The following FBXW4 variants were observed in gnomAD, a reference collection of about 807,000 sequenced individuals.
FBXW4 encodes F-box/WD repeat-containing protein 4.
A neutral mutation model predicts 61.8 loss-of-function variants in FBXW4; 40 were observed. The observed-to-expected ratio is 0.65, with a 90% CI of 0.50 to 0.84. FBXW4 has a LOEUF of 0.84. FBXW4 is among the 40% of genes least tolerant of loss of function. FBXW4 has a pLI of 0.00. For missense variants in FBXW4, 672 were observed against 753.8 expected, an observed-to-expected ratio of 0.89 and a Z score of 1.27; for synonymous variants, 311 against 313.8, an observed-to-expected ratio of 0.99 and a Z score of 0.10.
intron 5 of FBXW4, among the ~76,000 whole-genome samples, chr10:101,664,246 G>A (rs1293594952): frequency 2.0e-5 from 3 of 152,142 alleles, no homozygotes; most frequent in Non-Finnish European, 4.4e-5. Context: ...AGAAGATAAG[G>A]TAGAAAAGTC....
chr10:101,681,064 G>A lies in FBXW4; in HGVS notation c.726-4628C>T, dbSNP rs565913144. Reference sequence around the variant, plus strand: ...TTAAATTTATAAAGGTAGAGGTGGGGAGACACTACATAAAATTATGTCTCC... The same window carrying A: ...TTAAATTTATAAAGGTAGAGGTGGGAAGACACTACATAAAATTATGTCTCC... On this transcript the variant is annotated intron_variant, in intron 1 of 8. Coordinates refer to ENST00000331272, the MANE Select transcript of FBXW4 (RefSeq NM_022039.4). Among the ~76,000 whole-genome samples the A allele has an allele frequency of 8.5e-5, 13 of 152,268 alleles. No homozygotes were observed. In the East Asian group the frequency reaches 1.3e-3, roughly 16 times the overall value.
At chr10:101,688,898 G>A (rs2064559749) in intron 1 of FBXW4, among the ~76,000 whole-genome samples, 1 of 152,034 alleles carries the variant, frequency 6.6e-6, no homozygotes, top group Non-Finnish European at 1.5e-5. Context: ...GTCTCAATAA[G>A]AATCTGCCTA....
intron 1 of FBXW4, among the ~76,000 whole-genome samples, chr10:101,680,467 A>T (rs887694915): frequency 6.6e-6 from 1 of 152,232 alleles, no homozygotes; most frequent in African/African-American, 2.4e-5. Flanking sequence ...TCTCTCTAAA[A>T]CTTTTAGGGA....
At chr10:101,633,931 C>T (rs951145231) in intron 5 of FBXW4, among the ~76,000 whole-genome samples, 4 of 151,870 alleles carry the variant, frequency 2.6e-5, no homozygotes, top group African/African-American at 9.7e-5. Flanking sequence ...CATGGTGAAA[C>T]CCTGTCTCTA....
intron 5 of FBXW4, chr10:101,660,270 AAC>A: frequency 4.1e-6 from 4 of 982,446 alleles, no homozygotes; most frequent in Non-Finnish European, 4.8e-6. Context: ...CTCCGACTGC[AAC>A]ACAGATTAGG....
intron 6 of FBXW4, among the ~76,000 whole-genome samples, chr10:101,620,066 GC>G (rs2063856335): frequency 6.6e-6 from 1 of 152,130 alleles, no homozygotes; most frequent in Non-Finnish European, 1.5e-5. Context: ...AGTACTCCCC[GC>G]TCTCTGCCCA....
intron 6 of FBXW4, among the ~76,000 whole-genome samples, chr10:101,617,133 G>A (rs2063831554): frequency 6.6e-6 from 1 of 152,208 alleles, no homozygotes. Context: ...CAGGCAACGT[G>A]CTGAGTGTTT....
At chr10:101,621,686 G>C (rs1229080444) in intron 6 of FBXW4, among the ~76,000 whole-genome samples, 15 of 152,172 alleles carry the variant, frequency 9.9e-5, no homozygotes, top group Non-Finnish European at 4.4e-5. Flanking sequence ...GTTCTGTTAG[G>C]TAGGGATAAT....
intron 1 of FBXW4, among the ~76,000 whole-genome samples, chr10:101,692,154 A>C (rs1023983628): frequency 1.8e-4 from 28 of 152,234 alleles, no homozygotes; most frequent in African/African-American, 6.5e-4. Context: ...CCAACAGGAT[A>C]ATCTTACCCT....
At chr10:101,615,194 G>C (rs913503791) in intron 6 of FBXW4, among the ~76,000 whole-genome samples, 3 of 152,178 alleles carry the variant, frequency 2.0e-5, no homozygotes, top group African/African-American at 7.2e-5. Context: ...GGGCGAGAGG[G>C]GGGTGCAGAG....
chr10:101,676,738 G>GAAAAAAAAAAAAAAAAAA (rs2064413552), intron 1 of FBXW4: 2 of 81,120 alleles, frequency 2.5e-5, no homozygotes, highest in Non-Finnish European at 4.6e-5. Flanking sequence ...AAAAAAAAAT[G>GAAAAAAAAAAAAAAAAAA]AAATGAATCC....
Position 101,670,859 on chromosome 10 carries a change from C to G in FBXW4, c.1140+2056G>C, listed in dbSNP as rs150883374. On this transcript the variant is annotated intron_variant, in intron 4 of 8. Coordinates refer to ENST00000331272, the MANE Select transcript of FBXW4 (RefSeq NM_022039.4). ...AAGTCACAATAAACCTGAAACTGGG[C>G]TTGTGGGGAGGGGAAGGAAGAGGGT... Among the ~76,000 whole-genome samples, 759 of 152,318 alleles carry G rather than the reference C, an allele frequency of 5.0e-3. 6 individuals carry two copies. The highest frequency in any genetic ancestry group is 0.024 in the Middle Eastern group (7 of 294).
chr10:101,687,251 G>A (rs566667171), intron 1 of FBXW4, among the ~76,000 whole-genome samples: 2 of 152,160 alleles, frequency 1.3e-5, no homozygotes, highest in South Asian at 4.1e-4. Flanking sequence ...GTTACCAGAA[G>A]AAATATAATA....
At chr10:101,666,979 C>G (rs2064308417) in intron 5 of FBXW4, among the ~76,000 whole-genome samples, 1 of 151,422 alleles carries the variant, frequency 6.6e-6, no homozygotes, top group Non-Finnish European at 1.5e-5. Context: ...CAACTGTAAT[C>G]CCAGCACTTT....
chr10:101,624,633 C>T, intron 6 of FBXW4, 112 bp downstream of exon 6: 1 of 1,172,264 alleles, frequency 8.5e-7, no homozygotes, highest in South Asian at 1.2e-5. Flanking sequence ...TCCTACTAGA[C>T]CACTTCCCAG....
intron 5 of FBXW4, among the ~76,000 whole-genome samples, chr10:101,666,224 T>C (rs2064298746): frequency 6.6e-6 from 1 of 152,190 alleles, no homozygotes; most frequent in Admixed American, 6.5e-5. Context: ...GCTAGAATGA[T>C]TTGTTTTGAA....
In FBXW4 at chr10:101,631,235, G is replaced by A. The variant is rs77045412; in HGVS notation, c.1236-6425C>T. On this transcript the variant is annotated intron_variant, in intron 5 of 8. Coordinates refer to ENST00000331272, the MANE Select transcript of FBXW4 (RefSeq NM_022039.4). Reference sequence around the variant, plus strand: ...AATTCAAAAGCTTAGCCAACTTCACGGATGACTGAACCATAATGGGTTAAT... The same window carrying A: ...AATTCAAAAGCTTAGCCAACTTCACAGATGACTGAACCATAATGGGTTAAT... Among the ~76,000 whole-genome samples the A allele has an allele frequency of 5.5e-3, 840 of 152,240 alleles. 5 individuals carry two copies. The highest frequency in any genetic ancestry group is 0.014 in the South Asian group (68 of 4,820).
chr10:101,672,900 G>T lies in FBXW4; in HGVS notation c.1140+15C>A. 4.3e-6 allele frequency: 7 copies of T among 1,613,466 alleles called. No individual in the cohort carries two copies. Among genetic ancestry groups the T allele is most frequent in the Non-Finnish European group, 5.9e-6 (7 of 1,179,746 alleles). On this transcript the variant is annotated intron_variant, in intron 4 of 8. Transcript: ENST00000331272. The stretch of plus-strand genomic sequence containing the variant: ...CAGGAGGGAGTAATAGTATGTAAGG[G>T]GGAGACCACCTCACCTTGGCCGTCC...
chr10:101,649,831 C>T (rs1405792892), intron 5 of FBXW4, among the ~76,000 whole-genome samples: 3 of 152,370 alleles, frequency 2.0e-5, no homozygotes, highest in Non-Finnish European at 4.4e-5. Flanking sequence ...AAAGTGAAGA[C>T]ACAGCCCCTT....
Sources: allele counts gnomAD v4.1 joint callset (sites outside exome capture counted in the v4.1 genomes callset), GRCh38; gene constraint gnomAD v4.1.1; transcripts MANE v1.5; gene names NCBI Gene and HGNC (gene_info 2026-07-23, HGNC 2026-07-21).